Variants in THSD4 observed in about 807,000 individuals in gnomAD.
THSD4 encodes thrombospondin type 1 domain containing 4.
THSD4 carries 69 observed loss-of-function variants against 119.0 expected under a neutral mutation model. The ratio of observed to expected loss-of-function variants is 0.58; its 90% CI spans 0.48 to 0.71. The LOEUF is 0.71. THSD4 is among the 30% of genes least tolerant of loss of function. The probability of loss-of-function intolerance (pLI) is 0.00; values close to 1 mark genes in which losing one functional copy is unlikely to be tolerated. For missense variants in THSD4, 1,393 were observed against 1,391.1 expected (o/e 1.00, Z -0.02); for synonymous variants, 524 against 540.4 (o/e 0.97, Z 0.42).
At chr15:71,231,214 A>T (rs546789379) in intron 4 of THSD4, among the ~76,000 whole-genome samples, 24 of 152,192 alleles carry the variant, frequency 1.6e-4, no homozygotes, top group Non-Finnish European at 3.4e-4. Flanking sequence ...AAGCCACCTG[A>T]TGGCAATATC....
In THSD4 at chr15:71,604,163, G is replaced by GACCCTAAT. The variant is rs1221517136; in HGVS notation, c.1153-56367_1153-56366insACCCTAAT. Among the ~76,000 whole-genome samples, 8 of 152,278 alleles carry GACCCTAAT rather than the reference G, an allele frequency of 5.3e-5. 1 individual carries two copies. In the East Asian group the frequency reaches 1.5e-3, roughly 29 times the overall value. Reference sequence around the variant, plus strand: ...AATAAGTTTGGGCCCTAATGAGTTTGGGGTGGTGACATGAAGATTTATTAA... The same window carrying GACCCTAAT: ...AATAAGTTTGGGCCCTAATGAGTTTGACCCTAATGGGTGGTGACATGAAGATTTATTAA... On this transcript the variant is annotated intron_variant, in intron 7 of 17. Coordinates refer to ENST00000261862, the MANE Select transcript of THSD4 (RefSeq NM_024817.3).
At chr15:71,755,544 A>G (rs527435601) in intron 14 of THSD4, among the ~76,000 whole-genome samples, 1 of 152,238 alleles carries the variant, frequency 6.6e-6, no homozygotes, top group Non-Finnish European at 1.5e-5. Flanking sequence ...GGCCACGTCT[A>G]GGATTAGAAA....
At chr15:71,222,852 G>A (rs2043985863) in intron 4 of THSD4, among the ~76,000 whole-genome samples, 1 of 152,174 alleles carries the variant, frequency 6.6e-6, no homozygotes, top group African/African-American at 2.4e-5. Flanking sequence ...CACCCTGAAA[G>A]GCTGTAAACT....
rs147187679 is a variant in THSD4, at chr15:71,355,322, G to A, written c.1016-56365G>A. Among the ~76,000 whole-genome samples, 759 of 152,260 alleles carry A rather than the reference G, an allele frequency of 5.0e-3. 5 individuals are homozygous for A. Among genetic ancestry groups the A allele is most frequent in the African/African-American group, 0.018 (727 of 41,538 alleles). ...AAGGAGCTCTTCTTTATTTGAAATT[G>A]GCTTCCAAACCTGATGCCTTTCAGA... On this transcript the variant is annotated intron_variant, in intron 6 of 17. Coordinates refer to ENST00000261862, the MANE Select transcript of THSD4 (RefSeq NM_024817.3).
intron 7 of THSD4, among the ~76,000 whole-genome samples, chr15:71,615,872 C>T (rs2050311088): frequency 6.6e-6 from 1 of 152,190 alleles, no homozygotes; most frequent in African/African-American, 2.4e-5. Context: ...AACGATGCCT[C>T]TTTAGTGTGG....
chr15:71,259,395 G>T (rs1257580698), intron 6 of THSD4, among the ~76,000 whole-genome samples: 1 of 152,192 alleles, frequency 6.6e-6, no homozygotes, highest in Non-Finnish European at 1.5e-5. Flanking sequence ...ATGGTATTTT[G>T]TCATGCAGCT....
intron 1 of THSD4, among the ~76,000 whole-genome samples, chr15:71,130,620 TCA>T (rs1477216703): frequency 7.2e-5 from 11 of 152,352 alleles, no homozygotes; most frequent in African/African-American, 2.6e-4. Flanking sequence ...TCTTACAGCC[TCA>T]GTTTCCTTCT....
At chr15:71,766,046 G>T (rs545790810) in intron 16 of THSD4, among the ~76,000 whole-genome samples, 192 of 151,922 alleles carry the variant, frequency 1.3e-3, no homozygotes, top group South Asian at 3.5e-3. Flanking sequence ...TTAAAATCTT[G>T]TGGCCCTCTA....
At chr15:71,603,714 A>C (rs1228422174) in intron 7 of THSD4, among the ~76,000 whole-genome samples, 1 of 152,158 alleles carries the variant, frequency 6.6e-6, no homozygotes, top group Non-Finnish European at 1.5e-5. Context: ...CCAGATTATG[A>C]ATGGCTTGAA....
At chr15:71,492,050 C>T (rs559481330) in intron 7 of THSD4, among the ~76,000 whole-genome samples, 1 of 150,486 alleles carries the variant, frequency 6.6e-6, no homozygotes, top group Admixed American at 6.6e-5. Context: ...GTTTGAAATG[C>T]CTGTTCATGT....
At chr15:71,764,170 C>T (rs1192629791) in intron 15 of THSD4, among the ~76,000 whole-genome samples, 6 of 151,890 alleles carry the variant, frequency 4.0e-5, no homozygotes, top group African/African-American at 1.5e-4. Flanking sequence ...CACTTGAGCT[C>T]AGGAGGTTGA....
chr15:71,310,154 G>A (rs4777368), intron 6 of THSD4, among the ~76,000 whole-genome samples: 136,720 of 152,236 alleles, frequency 0.9, 62,816 homozygotes, highest in East Asian at 1. Flanking sequence ...CTGCTATTAT[G>A]ATTTTACCTA....
At position 71,509,887 on chromosome 15, in the gene THSD4, G is replaced by T. The variant is rs562309162; in HGVS notation, c.1152+98064G>T. On this transcript the variant is annotated intron_variant, in intron 7 of 17. Transcript: ENST00000261862. ...TGAATGATGAAAACATTTAAATCTGGTTGTTGTAGTGTTTCATTGGCTTTA... is the reference window on the plus strand; with the variant it reads ...TGAATGATGAAAACATTTAAATCTGTTTGTTGTAGTGTTTCATTGGCTTTA... Among the ~76,000 whole-genome samples, 215 of 152,244 alleles carry T rather than the reference G, an allele frequency of 1.4e-3. 6 individuals are homozygous for T. In the South Asian group the frequency reaches 0.042, roughly 30 times the overall value.
chr15:71,542,933 T>C (rs139530131), intron 7 of THSD4, among the ~76,000 whole-genome samples: 15 of 151,622 alleles, frequency 9.9e-5, no homozygotes, highest in South Asian at 2.1e-4. Context: ...AAAAAGTACC[T>C]AAGCAGTAGT....
intron 17 of THSD4, among the ~76,000 whole-genome samples, chr15:71,772,855 T>C (rs1261993701): frequency 6.6e-6 from 1 of 152,022 alleles, no homozygotes; most frequent in East Asian, 1.9e-4. Flanking sequence ...ATATAAAATA[T>C]ATAAATGTCT....
chr15:71,643,436 T>A (rs936000647), intron 7 of THSD4, among the ~76,000 whole-genome samples: 1 of 151,294 alleles, frequency 6.6e-6, no homozygotes, highest in African/African-American at 2.5e-5. Context: ...CCAATAGTTA[T>A]TTTTTCTGCT....
intron 7 of THSD4, among the ~76,000 whole-genome samples, chr15:71,533,692 C>T (rs2048648546): frequency 6.6e-6 from 1 of 152,070 alleles, no homozygotes. Context: ...GAGCAGGACT[C>T]CCACCTGACT....
Position 71,662,579 on chromosome 15 carries a change from G to C in THSD4, c.1357+1845G>C, listed in dbSNP as rs549319333. Among the ~76,000 whole-genome samples, 9 of 152,262 alleles carry C rather than the reference G, an allele frequency of 5.9e-5. No individual in the cohort carries two copies. In the South Asian group the frequency reaches 1.9e-3, roughly 32 times the overall value. ...AACAATGCCACTTTTTATTAGCTTTGTGTTGCTTTTAGTACATTTTCCCTG... is the reference window on the plus strand; with the variant it reads ...AACAATGCCACTTTTTATTAGCTTTCTGTTGCTTTTAGTACATTTTCCCTG... On this transcript the variant is annotated intron_variant, in intron 8 of 17. Transcript: ENST00000261862.
intron 7 of THSD4, among the ~76,000 whole-genome samples, chr15:71,599,576 C>T (rs1446275804): frequency 6.6e-6 from 1 of 152,198 alleles, no homozygotes. Context: ...GCCCTTAAAC[C>T]AGGAATGCTG....
Sources: allele counts gnomAD v4.1 joint callset (sites outside exome capture counted in the v4.1 genomes callset), GRCh38; gene constraint gnomAD v4.1.1; transcripts MANE v1.5; gene names NCBI Gene and HGNC (gene_info 2026-07-23, HGNC 2026-07-21).